The following PDE1C variants were observed in gnomAD, a reference collection of about 807,000 sequenced individuals.
PDE1C encodes the protein phosphodiesterase 1C, also known as dual specificity calcium/calmodulin-dependent 3',5'-cyclic nucleotide phosphodiesterase 1C.
A neutral mutation model predicts 93.1 loss-of-function variants in PDE1C; 62 were observed. That is an observed-to-expected ratio of 0.67 (90% confidence interval 0.54 to 0.82). The LOEUF is 0.82. PDE1C is among the 40% of genes least tolerant of loss of function. The pLI is 0.00. For missense variants in PDE1C, 742 were observed against 884.6 expected, an observed-to-expected ratio of 0.84 and a Z score of 2.04; for synonymous variants, 325 against 310.1, an observed-to-expected ratio of 1.05 and a Z score of -0.50.
At chr7:32,098,016 G>C (rs1184012524) in intron 3 of PDE1C, among the ~76,000 whole-genome samples, 12 of 148,926 alleles carry the variant, frequency 8.1e-5, no homozygotes, top group Non-Finnish European at 1.6e-4. Context: ...GGATCACGAG[G>C]TCAGGAGATC....
At chr7:31,863,540 T>C (rs920930295) in intron 7 of PDE1C, among the ~76,000 whole-genome samples, 2 of 152,214 alleles carry the variant, frequency 1.3e-5, no homozygotes, top group East Asian at 1.9e-4. Context: ...TAAAAATCTT[T>C]TATTGAGTTA....
intron 2 of PDE1C, among the ~76,000 whole-genome samples, chr7:32,172,278 T>C (rs1421728177): frequency 6.6e-6 from 1 of 152,012 alleles, no homozygotes; most frequent in Non-Finnish European, 1.5e-5. Flanking sequence ...GAGAACATTT[T>C]TGCAATCTAC....
the PDE1C span, among the ~76,000 whole-genome samples, chr7:31,699,867 G>A: frequency 2.0e-5 from 3 of 151,542 alleles, no homozygotes; most frequent in African/African-American, 4.9e-5. Flanking sequence ...ATTGTTTTGG[G>A]GTGCCACAGA....
upstream of PDE1C, chr7:32,070,911 C>G (rs1057297459): frequency 1.4e-5 from 14 of 985,342 alleles, no homozygotes; most frequent in African/African-American, 2.4e-4. Flanking sequence ...GGCTCCGCCC[C>G]GCGCCCAGCG....
the PDE1C span, chr7:31,658,297 C>CT: frequency 6.7e-7 from 1 of 1,498,752 alleles, no homozygotes. Context: ...AGAGCTGGAT[C>CT]CCTTTTTTTT....
intron 1 of PDE1C, among the ~76,000 whole-genome samples, chr7:32,339,184 A>G (rs1447728571): frequency 6.6e-6 from 1 of 152,098 alleles, no homozygotes; most frequent in Non-Finnish European, 1.5e-5. Flanking sequence ...ATAAAATTTA[A>G]AAGTCATAAT....
the PDE1C span, among the ~76,000 whole-genome samples, chr7:31,665,960 T>G: frequency 3.1e-3 from 468 of 152,340 alleles, 1 homozygote; most frequent in Middle Eastern, 0.017. Flanking sequence ...CCTGCACTAT[T>G]GTTTCTGGTG....
intron 1 of PDE1C, among the ~76,000 whole-genome samples, chr7:32,327,337 A>C (rs1783422766): frequency 6.6e-6 from 1 of 152,188 alleles, no homozygotes; most frequent in East Asian, 1.9e-4. Context: ...GAACACACCC[A>C]GATTAAATGT....
rs1794082236 is a variant in PDE1C, at chr7:31,856,822, A to G, written c.751-6081T>C. 2.0e-5 allele frequency among the ~76,000 whole-genome samples: 3 copies of G among 152,042 alleles called. No individual in the cohort carries two copies. In the South Asian group the frequency reaches 6.2e-4, roughly 32 times the overall value. On this transcript the variant is annotated intron_variant, in intron 7 of 17. Transcript: ENST00000396191. The stretch of plus-strand genomic sequence containing the variant: ...GCTCGGGCTGCCATAACAAAATAAC[A>G]CGGGCTGCGTGGCTTAAACAACGGA...
At chr7:31,981,796 T>C (rs146908750) in intron 2 of PDE1C, among the ~76,000 whole-genome samples, 1 of 152,344 alleles carries the variant, frequency 6.6e-6, no homozygotes, top group East Asian at 1.9e-4. Context: ...TCTGCCTATA[T>C]CTTTGAATAT....
intron 1 of PDE1C, among the ~76,000 whole-genome samples, chr7:32,309,637 T>C (rs899437907): frequency 6.6e-6 from 1 of 152,168 alleles, no homozygotes; most frequent in Non-Finnish European, 1.5e-5. Context: ...GAATTTCATA[T>C]CCAGCCAAAC....
chr7:32,387,789 G>A (rs5014890), intron 1 of PDE1C, among the ~76,000 whole-genome samples: 8,647 of 144,392 alleles, frequency 0.06, 234 homozygotes, highest in Non-Finnish European at 0.072. Flanking sequence ...CGGACGGGGC[G>A]GCTGGCCGGG....
intron 2 of PDE1C, among the ~76,000 whole-genome samples, chr7:31,888,604 T>A (rs1261923272): frequency 6.6e-6 from 1 of 152,096 alleles, no homozygotes; most frequent in Admixed American, 6.6e-5. Context: ...AAGATACATT[T>A]AAAAATTTAG....
chr7:32,228,232 G>A (rs2128859969), intron 1 of PDE1C, among the ~76,000 whole-genome samples: 1 of 152,294 alleles, frequency 6.6e-6, no homozygotes, highest in Non-Finnish European at 1.5e-5. Context: ...CAGGCCCAGA[G>A]ACACATGCGT....
Position 32,267,576 on chromosome 7 carries a change from A to T in PDE1C, c.85+31075T>A, listed in dbSNP as rs200379011. On this transcript the variant is annotated intron_variant, in intron 1 of 18. Coordinates refer to the PDE1C transcript ENST00000396193. ...TGCAGCCTCTTTCTCTCTCTCTCAC[A>T]CACACACACACTCTCTCTCTCTCTC... is the stretch of plus-strand genomic sequence containing the variant. 9.1e-3 allele frequency among the ~76,000 whole-genome samples: 706 copies of T among 77,738 alleles called. 5 individuals carry two copies. The highest frequency in any genetic ancestry group is 0.013 in the Admixed American group (76 of 5,840). The allele number at this position is 77,738 out of a possible 152,430, so 51.0% of individuals were successfully genotyped here.
At chr7:31,770,903 A>G (rs1337664312) in intron 17 of PDE1C, among the ~76,000 whole-genome samples, 1 of 152,212 alleles carries the variant, frequency 6.6e-6, no homozygotes, top group Non-Finnish European at 1.5e-5. Context: ...TCCAACATTA[A>G]TTAACTTTTC....
intron 12 of PDE1C, among the ~76,000 whole-genome samples, chr7:31,825,206 A>G (rs1789500242): frequency 6.6e-6 from 1 of 152,174 alleles, no homozygotes; most frequent in African/African-American, 2.4e-5. Context: ...TAAAGTGCCT[A>G]AGAAATATAC....
At chr7:31,800,374 A>T (rs1238692155) in intron 16 of PDE1C, among the ~76,000 whole-genome samples, 2 of 151,630 alleles carry the variant, frequency 1.3e-5, no homozygotes, top group African/African-American at 4.8e-5. Context: ...TGATAGTTTT[A>T]CATTTTACAT....
intron 17 of PDE1C, among the ~76,000 whole-genome samples, chr7:31,758,393 C>G (rs987632683): frequency 6.6e-6 from 1 of 152,092 alleles, no homozygotes; most frequent in Non-Finnish European, 1.5e-5. Context: ...TCATAAAAGC[C>G]TTCAAAAAAT....
Sources: gnomAD v4.1 joint callset for allele counts (sites outside exome capture counted in the v4.1 genomes callset) on GRCh38, gnomAD v4.1.1 for gene constraint, MANE v1.5 for transcripts, NCBI Gene and HGNC (gene_info 2026-07-23, HGNC 2026-07-21) for gene names.